Variants in IDI1 observed in about 807,000 individuals in gnomAD.
IDI1 encodes the protein isopentenyl-diphosphate delta isomerase 1, also known as isopentenyl-diphosphate Delta-isomerase 1.
Under a neutral mutation model 32.9 loss-of-function variants are expected in IDI1, and 23 were observed. That is an observed-to-expected ratio of 0.70 (90% CI 0.50 to 0.99). The LOEUF (loss-of-function observed/expected upper bound fraction) is 0.99. IDI1 is among the 50% of genes least tolerant of loss of function. The pLI is 0.00. For missense variants in IDI1, 326 were observed against 351.9 expected (o/e 0.93, Z 0.59); for synonymous variants, 133 against 128.2 (o/e 1.04, Z -0.25).
At chr10:1,046,273 A>G (rs962960804) in intron 1 of IDI1, among the ~76,000 whole-genome samples, 1 of 152,224 alleles carries the variant, frequency 6.6e-6, no homozygotes, top group Admixed American at 6.5e-5. Context: ...ATAAAATTAT[A>G]ACAGAACTGA....
In IDI1 at chr10:1,048,916, G is replaced by A. The variant is rs1372829174; in HGVS notation, c.88C>T (p.Gln30Ter). The A allele has an allele frequency of 1.2e-6, 2 of 1,603,688 alleles. No homozygotes were observed. The highest frequency in any genetic ancestry group is 1.7e-6 in the Non-Finnish European group (2 of 1,176,982). Residue 30 changes from glutamine to a stop codon, truncating the protein, a stop_gained, in exon 1 of 5, where the codon CAA (glutamine) becomes TAA (stop). Coordinates refer to ENST00000381344, the MANE Select transcript of IDI1 (RefSeq NM_004508.4). LOFTEE classifies it high-confidence loss of function. ...QWAVRAADCA[Q>*]SGRHPGPAVV... Reference sequence around the variant, plus strand: ...GCCGGTCCCGGATGGCGCCCGCTTTGAGCACAGTCTGCGGCGCGCACCGCC... The same window carrying A: ...GCCGGTCCCGGATGGCGCCCGCTTTAAGCACAGTCTGCGGCGCGCACCGCC...
chr10:1,041,216 C>G lies in IDI1; in HGVS notation c.826G>C (p.Val276Leu). The change falls in exon 5 of 5, where the codon GTT becomes CTT. Residue 276 changes from valine to leucine, a missense_variant. By Grantham distance (32) the Val-to-Leu change is conservative. Coordinates refer to ENST00000381344, the MANE Select transcript of IDI1 (RefSeq NM_004508.4). ...WDNLNHLNQF[V>L]DHEKIYRM Reference sequence around the variant, plus strand: ...ATTCTGTATATTTTCTCATGGTCAACAAACTGATTCAAATGATTTAAGTTA... The same window carrying G: ...ATTCTGTATATTTTCTCATGGTCAAGAAACTGATTCAAATGATTTAAGTTA... 1 of 1,609,458 alleles carries G rather than the reference C, an allele frequency of 6.2e-7. No individual in the cohort carries two copies. Among genetic ancestry groups the G allele is most frequent in the Non-Finnish European group, 8.5e-7 (1 of 1,176,676 alleles).
chr10:1,048,586 C>T (rs1832875862), intron 1 of IDI1: 1 of 1,366,034 alleles, frequency 7.3e-7, no homozygotes, highest in Non-Finnish European at 9.4e-7. Flanking sequence ...GGTGACTGTG[C>T]GCAGACGACG....
rs374263218 is a variant in IDI1, at chr10:1,048,276, G to A, written c.140+588C>T. 2.1e-5 allele frequency: 27 copies of A among 1,304,200 alleles called. No homozygotes were observed. In the African/African-American group the frequency reaches 2.9e-4, roughly 14 times the overall value. 80.8% of individuals were successfully genotyped at this position (1,304,200 alleles called of 1,614,324 possible). On this transcript the variant is annotated intron_variant, in intron 1 of 4. Transcript: ENST00000381344. ...GTTTAAAGAATACCATGTAGTAGAC[G>A]CGGGAACACATCATCCAACCCAAGA... is the stretch of plus-strand genomic sequence containing the variant.
rs958649564 is a variant in IDI1 at position 1,040,007 on chromosome 10, T to C, written c.*1180A>G. ...AGTTAACCATAAATGAGTCATTCTA[T>C]TGAATTTAACAAACATTTAACTTTG... On this transcript the variant is annotated 3_prime_UTR_variant, in exon 5 of 5. Transcript: ENST00000381344. 7.9e-5 allele frequency: 12 copies of C among 152,220 alleles called. No individual in the cohort carries two copies. The highest frequency in any genetic ancestry group is 3.2e-3 in the Middle Eastern group (1 of 316). The allele number at this position is 152,220 out of a possible 1,614,324, so 9.4% of individuals were successfully genotyped here.
At chr10:1,055,149 A>G in the IDI1 span, among the ~76,000 whole-genome samples, 2 of 152,252 alleles carry the variant, frequency 1.3e-5, no homozygotes, top group African/African-American at 4.8e-5. Flanking sequence ...ATGGATTCTG[A>G]TGCCAGCCTT....
chr10:1,051,131 T>C (rs1833001309), upstream of IDI1, among the ~76,000 whole-genome samples: 1 of 152,224 alleles, frequency 6.6e-6, no homozygotes, highest in South Asian at 2.1e-4. Context: ...ATGTCATGCA[T>C]TGGTCATTTG....
At chr10:1,055,250 C>G in the IDI1 span, among the ~76,000 whole-genome samples, 46 of 152,292 alleles carry the variant, frequency 3.0e-4, no homozygotes, top group African/African-American at 1.1e-3. Flanking sequence ...ATAACTTTTA[C>G]TTTATTGGAT....
upstream of IDI1, chr10:1,049,186 C>G: frequency 9.6e-7 from 1 of 1,038,886 alleles, no homozygotes; most frequent in Non-Finnish European, 1.3e-6. Flanking sequence ...TCCGCAGAGG[C>G]AGCGTCCCGC....
upstream of IDI1, among the ~76,000 whole-genome samples, chr10:1,050,219 C>T (rs985108875): frequency 1.3e-5 from 2 of 152,214 alleles, no homozygotes; most frequent in South Asian, 4.1e-4. Flanking sequence ...AAACACACGA[C>T]ACTAACATAA....
At chr10:1,054,487 C>T in the IDI1 span, among the ~76,000 whole-genome samples, 28 of 152,270 alleles carry the variant, frequency 1.8e-4, no homozygotes, top group Admixed American at 7.8e-4. Flanking sequence ...TTAGTAAATT[C>T]AGCATTGTTG....
intron 1 of IDI1, among the ~76,000 whole-genome samples, chr10:1,045,879 G>A (rs1832792756): frequency 2.0e-5 from 1 of 49,374 alleles, no homozygotes; most frequent in African/African-American, 6.8e-5. Context: ...GTGTGTGTGT[G>A]TGTGTGTGTG....
upstream of IDI1, among the ~76,000 whole-genome samples, chr10:1,051,807 A>G (rs1188361934): frequency 6.6e-6 from 1 of 152,238 alleles, no homozygotes; most frequent in Non-Finnish European, 1.5e-5. Context: ...GTTTCTTAAA[A>G]TAAGACAATA....
At position 1,044,038 on chromosome 10, in the gene IDI1, T is replaced by C; in HGVS notation, c.274A>G (p.Thr92Ala). 1 of 1,613,122 alleles carries C rather than the reference T, an allele frequency of 6.2e-7. No individual in the cohort carries two copies. The highest frequency in any genetic ancestry group is 8.5e-7 in the Non-Finnish European group (1 of 1,179,704). The change falls in exon 2 of 5, where the codon ACC becomes GCC. Residue 92 changes from threonine to alanine, a missense_variant. This residue lies in a region of IDI1 where 205 missense variants were observed against 273.5 expected (regional missense o/e 0.75). Transcript: ENST00000381344. ...DENDNKIGAETKKNCHLNENI... is the reference protein window; with the variant it reads ...DENDNKIGAEAKKNCHLNENI... ...TCGTTCAGGTGACAATTCTTCTTGG[T>C]CTCAGCTCCAATTTTATTGTCATTT...
intron 1 of IDI1, chr10:1,048,611 C>G: frequency 1.4e-6 from 2 of 1,397,668 alleles, no homozygotes; most frequent in Non-Finnish European, 1.9e-6. Flanking sequence ...TTTCCGCTGA[C>G]AAAGAATGGC....
At chr10:1,043,177 A>C in intron 3 of IDI1, 124 bp downstream of exon 3, 1 of 647,746 alleles carries the variant, frequency 1.5e-6, no homozygotes, top group South Asian at 1.9e-5. Flanking sequence ...AACTCACTTT[A>C]TGCAGAATAT....
At chr10:1,054,677 A>G in the IDI1 span, among the ~76,000 whole-genome samples, 1 of 152,242 alleles carries the variant, frequency 6.6e-6, no homozygotes, top group Non-Finnish European at 1.5e-5. Context: ...TAAAAAAATT[A>G]CATTGGATAG....
At chr10:1,045,576 C>T (rs896922814) in intron 1 of IDI1, among the ~76,000 whole-genome samples, 2 of 152,348 alleles carry the variant, frequency 1.3e-5, no homozygotes, top group Admixed American at 1.3e-4. Context: ...AAGTGATTCT[C>T]CTGCTTTGAC....
chr10:1,054,271 C>T, the IDI1 span, among the ~76,000 whole-genome samples: 1 of 152,126 alleles, frequency 6.6e-6, no homozygotes. Flanking sequence ...AAGTGATACA[C>T]ATGAAAACAG....
Sources: gnomAD v4.1 joint callset for allele counts (sites outside exome capture counted in the v4.1 genomes callset) on GRCh38, gnomAD v4.1.1 for gene constraint, gnomAD v4.1.1 regional missense constraint, MANE v1.5 for transcripts, NCBI Gene and HGNC (gene_info 2026-07-23, HGNC 2026-07-21) for gene names.